Variants in GRIP1 observed in about 807,000 individuals in gnomAD.
The protein encoded by GRIP1 is glutamate receptor-interacting protein 1.
Under a neutral mutation model 129.9 loss-of-function variants are expected in GRIP1, and 45 were observed. The ratio of observed to expected loss-of-function variants is 0.35; its 90% CI spans 0.27 to 0.44. The LOEUF (loss-of-function observed/expected upper bound fraction) is 0.44, where lower values mean the gene tolerates loss of function less well. Ranked by LOEUF, GRIP1 falls within the 20% of genes least tolerant of loss-of-function variation. GRIP1 has a pLI of 1.00. For synonymous variants in GRIP1, 530 were observed against 520.8 expected (o/e 1.02, Z -0.24); for missense variants, 1,196 against 1,396.8 (o/e 0.86, Z 2.29).
At chr12:66,455,003 G>A (rs990604457) in intron 11 of GRIP1, among the ~76,000 whole-genome samples, 1 of 152,076 alleles carries the variant, frequency 6.6e-6, no homozygotes, top group Non-Finnish European at 1.5e-5. Context: ...CAAAAGGGGA[G>A]CATCGTTTTC....
At chr12:66,715,479 A>T (rs144116321) in intron 1 of GRIP1, among the ~76,000 whole-genome samples, 13,867 of 52,542 alleles carry the variant, frequency 0.26, 980 homozygotes, top group African/African-American at 0.37. Flanking sequence ...TGTGAGAGAG[A>T]GAGAGAGAGA....
At chr12:66,630,448 C>T (rs1350842220) in intron 1 of GRIP1, 1 of 151,966 alleles carries the variant, frequency 6.6e-6, no homozygotes, top group Non-Finnish European at 1.5e-5. Flanking sequence ...GGCTTAAGTT[C>T]TTATGGGGCA....
At chr12:66,371,663 AC>A in intron 23 of GRIP1, 30 bp downstream of exon 23, 1 of 1,449,874 alleles carries the variant, frequency 6.9e-7, no homozygotes, top group South Asian at 1.1e-5. Context: ...GCCAAATTTG[AC>A]CCTAGGGAAA....
chr12:66,530,004 C>T, intron 4 of GRIP1, 90 bp from the exon 5 acceptor site: 3 of 825,394 alleles, frequency 3.6e-6, no homozygotes, highest in Non-Finnish European at 6.2e-6. Flanking sequence ...ATTACAGATC[C>T]CTGTTGCAAA....
intron 1 of GRIP1, among the ~76,000 whole-genome samples, chr12:66,843,632 G>A (rs2039760989): frequency 6.6e-6 from 1 of 151,910 alleles, no homozygotes; most frequent in South Asian, 2.1e-4. Context: ...AACAGAATAA[G>A]GAATGCCCAA....
chr12:66,434,575 G>A (rs971923945), intron 13 of GRIP1, among the ~76,000 whole-genome samples: 1 of 152,194 alleles, frequency 6.6e-6, no homozygotes, highest in African/African-American at 2.4e-5. Context: ...AAATGAAGTA[G>A]GTAAAAAACC....
At chr12:66,678,447 A>C (rs1002942560) in intron 1 of GRIP1, among the ~76,000 whole-genome samples, 4 of 152,182 alleles carry the variant, frequency 2.6e-5, no homozygotes, top group African/African-American at 9.7e-5. Context: ...CAGCTGTGCG[A>C]GTCCTGAATC....
intron 1 of GRIP1, among the ~76,000 whole-genome samples, chr12:66,631,444 T>G (rs1042781583): frequency 2.6e-5 from 4 of 152,104 alleles, no homozygotes; most frequent in Non-Finnish European, 5.9e-5. Flanking sequence ...ATCTTAAAGG[T>G]GATATTCAAA....
At chr12:66,955,815 A>G (rs1267396312) in intron 1 of GRIP1, among the ~76,000 whole-genome samples, 1 of 152,306 alleles carries the variant, frequency 6.6e-6, no homozygotes, top group South Asian at 2.1e-4. Flanking sequence ...CCTATACTAC[A>G]TTATTTAACA....
intron 1 of GRIP1, among the ~76,000 whole-genome samples, chr12:66,848,597 G>C (rs143346417): frequency 6.6e-6 from 1 of 152,106 alleles, no homozygotes; most frequent in Non-Finnish European, 1.5e-5. Flanking sequence ...CTAAACTATG[G>C]CATAAAACAA....
chr12:66,453,874 A>T (rs1248004812), intron 11 of GRIP1, among the ~76,000 whole-genome samples: 1 of 152,206 alleles, frequency 6.6e-6, no homozygotes. Context: ...GCTTATAACC[A>T]GTTCACTGTA....
intron 16 of GRIP1, among the ~76,000 whole-genome samples, chr12:66,400,252 G>A (rs997302974): frequency 6.7e-5 from 10 of 150,302 alleles, no homozygotes; most frequent in Middle Eastern, 3.2e-3. Context: ...GGGTGATTCC[G>A]ATGTACACTC....
chr12:66,869,315 A>G (rs2040257108), intron 1 of GRIP1, among the ~76,000 whole-genome samples: 1 of 152,042 alleles, frequency 6.6e-6, no homozygotes, highest in South Asian at 2.1e-4. Context: ...TCACTCATCT[A>G]CTAGAATTCA....
chr12:66,432,179 A>G (rs1297575449), intron 14 of GRIP1, among the ~76,000 whole-genome samples: 1 of 152,172 alleles, frequency 6.6e-6, no homozygotes, highest in African/African-American at 2.4e-5. Context: ...ATATGCATCT[A>G]TCTCTCATCT....
intron 1 of GRIP1, among the ~76,000 whole-genome samples, chr12:66,815,206 T>C (rs2039184383): frequency 6.6e-6 from 1 of 152,140 alleles, no homozygotes; most frequent in Non-Finnish European, 1.5e-5. Flanking sequence ...ACAAGTCAAA[T>C]CTCATGACGA....
In GRIP1 at chr12:66,371,678, G is replaced by A; in HGVS notation, c.3012+16C>T. On this transcript the variant is annotated intron_variant, in intron 23 of 24. Transcript: ENST00000359742. ...GCCAAATTTGACCCTAGGGAAAGAA[G>A]AGAAAGCTTACTGACCTTGTGCAGC... 2 of 1,554,268 alleles carry A rather than the reference G, an allele frequency of 1.3e-6. No individual in the cohort carries two copies. Among genetic ancestry groups the A allele is most frequent in the Non-Finnish European group, 1.8e-6 (2 of 1,125,280 alleles).
upstream of GRIP1, among the ~76,000 whole-genome samples, chr12:66,806,790 T>G (rs2039001336): frequency 6.7e-6 from 1 of 148,610 alleles, no homozygotes; most frequent in African/African-American, 2.5e-5. Flanking sequence ...AAATTGTACA[T>G]AAGCACCTAT....
intron 5 of GRIP1, among the ~76,000 whole-genome samples, chr12:66,519,886 G>A (rs987315871): frequency 6.6e-6 from 1 of 152,188 alleles, no homozygotes; most frequent in Non-Finnish European, 1.5e-5. Context: ...CTTCATGGCA[G>A]AGTGCCTTTC....
intron 2 of GRIP1, among the ~76,000 whole-genome samples, chr12:66,555,459 C>T (rs2062295065): frequency 6.6e-6 from 1 of 152,130 alleles, no homozygotes; most frequent in South Asian, 2.1e-4. Context: ...TACAAACAAG[C>T]CCAGACTGCG....
Sources: gnomAD v4.1 joint callset for allele counts (sites outside exome capture counted in the v4.1 genomes callset) on GRCh38, gnomAD v4.1.1 for gene constraint, MANE v1.5 for transcripts, NCBI Gene and HGNC (gene_info 2026-07-23, HGNC 2026-07-21) for gene names.